Variants in THUMPD2 observed in about 807,000 individuals in gnomAD.
THUMPD2 encodes the protein THUMP domain 2 tRNA and snRNA guanosine methyltransferase, also known as U6 snRNA (guanine-N(2))-methyltransferase THUMPD2.
THUMPD2 carries 56 observed loss-of-function variants against 49.4 expected under a neutral mutation model. The ratio of observed to expected loss-of-function variants is 1.13; its 90% confidence interval spans 0.91 to 1.41. The LOEUF (loss-of-function observed/expected upper bound fraction) is 1.41, where lower values mean the gene tolerates loss of function less well. Among genes scored for constraint, THUMPD2 ranks in the 40% most tolerant of loss-of-function variants. The pLI is 0.00. For synonymous variants in THUMPD2, 237 were observed against 205.2 expected, an observed-to-expected ratio of 1.15 and a Z score of -1.32; for missense variants, 709 against 594.5, an observed-to-expected ratio of 1.19 and a Z score of -2.00.
chr2:39,749,508 C>T lies in THUMPD2; in HGVS notation c.1079-5030G>A, dbSNP rs531999701. Reference sequence around the variant, plus strand: ...TTGATCTAAAGGGAAAGTCATACTTCACAGAGTGATATTTTAAATGCATTT... The same window carrying T: ...TTGATCTAAAGGGAAAGTCATACTTTACAGAGTGATATTTTAAATGCATTT... On this transcript the variant is annotated intron_variant, in intron 8 of 9. Transcript: ENST00000505747. Among the ~76,000 whole-genome samples, 33 of 152,310 alleles carry T rather than the reference C, an allele frequency of 2.2e-4. 1 individual carries two copies. The highest frequency in any genetic ancestry group is 6.2e-4 in the South Asian group (3 of 4,822).
chr2:39,769,996 T>C lies in THUMPD2; in HGVS notation c.386A>G (p.Asp129Gly). ...CACTTTTCTTTTTAGTTGGTTATCA[T>C]CTCTCTGAGAAAGTTTTTCCTTTTT... ...DAKKEKLSQR[D>G]DNQLKRKVGE... is the part of the protein sequence containing the mutation. The change falls in exon 3 of 10, where the codon GAT becomes GGT. Residue 129 changes from aspartate (D) to glycine (G), a missense_variant. Asp to Gly is a moderately conservative substitution (Grantham distance 94). Transcript: ENST00000505747. The C allele has an allele frequency of 6.3e-7, 1 of 1,577,404 alleles. No individual in the cohort carries two copies. The highest frequency in any genetic ancestry group is 1.2e-5 in the South Asian group (1 of 82,600).
At chr2:39,775,048 A>G (rs1029640274) in intron 1 of THUMPD2, among the ~76,000 whole-genome samples, 2 of 152,148 alleles carry the variant, frequency 1.3e-5, no homozygotes, top group African/African-American at 4.8e-5. Context: ...GGGAGGCCAA[A>G]GCGGGAGGAC....
chr2:39,772,175 G>A (rs1035139), intron 1 of THUMPD2, among the ~76,000 whole-genome samples: 64,394 of 152,078 alleles, frequency 0.42, 14,878 homozygotes, highest in East Asian at 0.74. Flanking sequence ...TCTAACAAAA[G>A]AACAAGGGGC....
chr2:39,743,478 C>T (rs1047073561), intron 9 of THUMPD2, among the ~76,000 whole-genome samples: 1 of 152,136 alleles, frequency 6.6e-6, no homozygotes, highest in Non-Finnish European at 1.5e-5. Flanking sequence ...CCCCCTATAC[C>T]TCATGTTGAA....
At chr2:39,762,208 A>C (rs1319365721) in intron 5 of THUMPD2, among the ~76,000 whole-genome samples, 1 of 152,188 alleles carries the variant, frequency 6.6e-6, no homozygotes, top group African/African-American at 2.4e-5. Context: ...GATGTCAAGA[A>C]TTTGTGTGGG....
At chr2:39,760,385 G>A (rs563094652) in intron 6 of THUMPD2, among the ~76,000 whole-genome samples, 1 of 152,128 alleles carries the variant, frequency 6.6e-6, no homozygotes, top group African/African-American at 2.4e-5. Flanking sequence ...AAGAGAGCTG[G>A]GAAAAGGACT....
chr2:39,770,419 A>G (rs1350724600), intron 2 of THUMPD2, among the ~76,000 whole-genome samples: 1 of 152,154 alleles, frequency 6.6e-6, no homozygotes, highest in Non-Finnish European at 1.5e-5. Context: ...TCTCTTCAAT[A>G]TATACATAGA....
chr2:39,771,480 CA>C (rs1416116738), intron 2 of THUMPD2, 24 bp downstream of exon 2: 1 of 1,569,384 alleles, frequency 6.4e-7, no homozygotes, highest in Admixed American at 2.1e-5. Flanking sequence ...TGGGTAAAAG[CA>C]ACATGCATAT....
chr2:39,771,022 ACCTCTAATG>A (rs1230235328), intron 2 of THUMPD2, among the ~76,000 whole-genome samples: 3 of 55,716 alleles, frequency 5.4e-5, no homozygotes, highest in Non-Finnish European at 1.4e-4. Flanking sequence ...TGCCCCCTTT[ACCTCTAATG>A]CTTGGTAAGT....
At chr2:39,750,726 G>C (rs1458555708) in intron 8 of THUMPD2, among the ~76,000 whole-genome samples, 1 of 151,880 alleles carries the variant, frequency 6.6e-6, no homozygotes, top group Non-Finnish European at 1.5e-5. Flanking sequence ...AAAAAAAATT[G>C]TTTAAGAACT....
chr2:39,776,836 G>A (rs1345492114), intron 1 of THUMPD2, among the ~76,000 whole-genome samples: 1 of 152,162 alleles, frequency 6.6e-6, no homozygotes, highest in Non-Finnish European at 1.5e-5. Flanking sequence ...TGTTAAAATG[G>A]TAGCACCTGG....
At chr2:39,753,360 A>G (rs1031529516) in intron 8 of THUMPD2, among the ~76,000 whole-genome samples, 2 of 152,224 alleles carry the variant, frequency 1.3e-5, no homozygotes, top group Admixed American at 1.3e-4. Flanking sequence ...ACTCTCTTAC[A>G]TCACCAGCTG....
intron 1 of THUMPD2, among the ~76,000 whole-genome samples, chr2:39,778,454 A>G (rs139792382): frequency 6.6e-6 from 1 of 152,224 alleles, no homozygotes; most frequent in African/African-American, 2.4e-5. Context: ...CCAAGAGTAC[A>G]TCACTCACAG....
At chr2:39,773,673 G>A (rs1206042919) in intron 1 of THUMPD2, among the ~76,000 whole-genome samples, 1 of 148,342 alleles carries the variant, frequency 6.7e-6, no homozygotes, top group Non-Finnish European at 1.5e-5. Flanking sequence ...TTTCCAAAAA[G>A]AACACGACTA....
In THUMPD2 at chr2:39,769,917, T is replaced by C. The variant is rs61910750; in HGVS notation, c.465A>G (p.Ile155Met). The stretch of plus-strand genomic sequence containing the variant: ...CCAGCTGGCAGTCCCTATTCTCTTC[T>C]ATCTTTTGCATTTGTTCTATTTTTA... The part of the protein sequence containing the change: ...KKLKIEQMQK[I>M]EENRDCQLEK... Residue 155 changes from isoleucine (I) to methionine (M), a missense_variant, in exon 3 of 10, where the codon ATA becomes ATG. Ile to Met is a conservative substitution (Grantham distance 10). Transcript: ENST00000505747. 2,198 of 1,585,796 alleles carry C rather than the reference T, an allele frequency of 1.4e-3. 24 individuals are homozygous for C. The African/African-American group carries it at 0.027, about 20-fold the overall frequency.
At chr2:39,766,947 A>T (rs377431507) in intron 4 of THUMPD2, among the ~76,000 whole-genome samples, 2 of 152,350 alleles carry the variant, frequency 1.3e-5, no homozygotes, top group East Asian at 1.9e-4. Context: ...AAAACTATTT[A>T]TTAGAATTGT....
At chr2:39,761,235 A>C in intron 6 of THUMPD2, 96 bp downstream of exon 6, 1 of 1,110,808 alleles carries the variant, frequency 9.0e-7, no homozygotes. Flanking sequence ...CAAGAAAAGA[A>C]AAAGCAAGTA....
chr2:39,756,909 G>GTAATAA lies in THUMPD2; in HGVS notation c.892-955_892-950dup, dbSNP rs147238410. On this transcript the variant is annotated intron_variant, in intron 6 of 9. Transcript: ENST00000505747. ...ACACTTAGTAAATGCAAGCTAAAAT[G>GTAATAA]TAATAATAATAATAATAATAATAAT... Among the ~76,000 whole-genome samples the GTAATAA allele has an allele frequency of 2.7e-3, 391 of 143,638 alleles. 1 individual carries two copies. Among genetic ancestry groups the GTAATAA allele is most frequent in the African/African-American group, 8.5e-3 (330 of 38,712 alleles). The allele number at this position is 143,638 out of a possible 152,430, so 94.2% of individuals were successfully genotyped here.
chr2:39,766,940 A>T (rs1473089321), intron 4 of THUMPD2, among the ~76,000 whole-genome samples: 1 of 152,228 alleles, frequency 6.6e-6, no homozygotes, highest in East Asian at 1.9e-4. Context: ...TTTTAGCAAA[A>T]CTATTTATTA....
Sources: allele counts gnomAD v4.1 joint callset (sites outside exome capture counted in the v4.1 genomes callset), GRCh38; gene constraint gnomAD v4.1.1; transcripts MANE v1.5; gene names NCBI Gene and HGNC (gene_info 2026-07-23, HGNC 2026-07-21).